Variants in NUP210L observed in about 807,000 individuals in gnomAD.
The protein encoded by NUP210L is nucleoporin 210 like.
A neutral mutation model predicts 208.5 loss-of-function variants in NUP210L; 74 were observed. That is an observed-to-expected ratio of 0.35 (90% CI 0.29 to 0.43). The LOEUF (loss-of-function observed/expected upper bound fraction) is 0.43. Among genes scored for constraint, NUP210L ranks in the 20% least tolerant of loss-of-function variants. The probability of loss-of-function intolerance (pLI) is 1.00; values close to 1 mark genes in which losing one functional copy is unlikely to be tolerated. For missense variants in NUP210L, 1,843 were observed against 2,289.4 expected, an observed-to-expected ratio of 0.81 and a Z score of 3.98; for synonymous variants, 780 against 816.9, an observed-to-expected ratio of 0.95 and a Z score of 0.77.
intron 23 of NUP210L, 31 bp downstream of exon 23, chr1:154,056,784 G>A (rs554193247): frequency 6.5e-7 from 1 of 1,542,992 alleles, no homozygotes; most frequent in African/African-American, 1.4e-5. Context: ...GCAAGAAAAA[G>A]TACAAATTTT....
At chr1:154,074,228 C>T (rs1229648579) in intron 16 of NUP210L, among the ~76,000 whole-genome samples, 2 of 152,124 alleles carry the variant, frequency 1.3e-5, no homozygotes, top group Non-Finnish European at 1.5e-5. Flanking sequence ...TCCCAACAGG[C>T]TTTCACTTAC....
chr1:154,139,989 T>C (rs373887558), intron 4 of NUP210L, 37 bp from the exon 5 acceptor site: 117 of 1,529,532 alleles, frequency 7.6e-5, no homozygotes, highest in Non-Finnish European at 1.0e-4. Context: ...CTAGCAGAAT[T>C]AAACGAAGGG....
intron 17 of NUP210L, among the ~76,000 whole-genome samples, chr1:154,066,902 A>T (rs1249569889): frequency 6.6e-6 from 1 of 152,216 alleles, no homozygotes; most frequent in Non-Finnish European, 1.5e-5. Context: ...GAAGAAGCTG[A>T]ATCACTGAAT....
At chr1:154,005,037 A>G (rs1487794297) in intron 35 of NUP210L, among the ~76,000 whole-genome samples, 31 of 148,702 alleles carry the variant, frequency 2.1e-4, no homozygotes, top group Non-Finnish European at 4.5e-5. Flanking sequence ...TATTTTTAGT[A>G]GAGACAGGGT....
chr1:153,993,226 T>C (rs1649581199), intron 38 of NUP210L, 137 bp from the exon 39 acceptor site: 1 of 589,318 alleles, frequency 1.7e-6, no homozygotes, highest in Admixed American at 3.5e-5. Flanking sequence ...CAGGAAGTTT[T>C]TATCCCAATT....
chr1:154,131,652 T>C (rs1658260161), intron 7 of NUP210L, among the ~76,000 whole-genome samples: 1 of 152,180 alleles, frequency 6.6e-6, no homozygotes, highest in Admixed American at 6.5e-5. Flanking sequence ...ACTGACAAAG[T>C]GACCTAAGAC....
chr1:154,060,990 T>C, exon 19 of NUP210L: 14 of 1,613,930 alleles, frequency 8.7e-6, no homozygotes, highest in Non-Finnish European at 1.2e-5. Flanking sequence ...GCACTACAGT[T>C]ACATCATCTA....
At chr1:154,123,285 A>G (rs897608191) in intron 10 of NUP210L, among the ~76,000 whole-genome samples, 8 of 152,018 alleles carry the variant, frequency 5.3e-5, no homozygotes, top group African/African-American at 1.9e-4. Context: ...ATCCGGGATT[A>G]TAGGCACGCG....
chr1:154,083,128 G>C (rs866411214), intron 16 of NUP210L, among the ~76,000 whole-genome samples: 1 of 152,154 alleles, frequency 6.6e-6, no homozygotes, highest in Non-Finnish European at 1.5e-5. Flanking sequence ...AACCGAGCAG[G>C]TTGCCACTGT....
chr1:154,029,917 G>T, exon 28 of NUP210L: 1 of 1,608,738 alleles, frequency 6.2e-7, no homozygotes, highest in African/African-American at 1.3e-5. Context: ...CTTCATCAGA[G>T]AGTTCCAACA....
At chr1:154,139,722 C>T (rs1247823156) in intron 5 of NUP210L, 80 bp downstream of exon 5, 3 of 1,025,412 alleles carry the variant, frequency 2.9e-6, no homozygotes, top group Non-Finnish European at 2.9e-6. Context: ...GTAGTGCATT[C>T]TTGTAGTACC....
rs773755177 is a variant in NUP210L at position 154,143,526 on chromosome 1, A to ATG, written c.390_391dup (p.Ile131ThrfsTer13). ...TTCCCGGGCCCGAGATACAATTTCA[A>ATG]TGCTGTTTATCACATCAACCTTAAC... is the stretch of plus-strand genomic sequence containing the variant. On this transcript the variant is annotated frameshift_variant, in exon 3 of 40. Transcript: ENST00000368559. LOFTEE classifies it high-confidence loss of function. 4.7e-5 allele frequency: 76 copies of ATG among 1,613,868 alleles called. No individual in the cohort carries two copies. The highest frequency in any genetic ancestry group is 6.3e-5 in the Non-Finnish European group (74 of 1,179,876).
At chr1:154,025,662 G>A (rs756459994) in exon 30 of NUP210L, 23 of 1,613,642 alleles carry the variant, frequency 1.4e-5, no homozygotes, top group Non-Finnish European at 1.7e-5. Flanking sequence ...CCTCAATGAC[G>A]GATGAATTAG....
rs1255651893 is a variant in NUP210L, at chr1:154,127,437, C to CA, written c.1079-21dup. The CA allele has an allele frequency of 8.4e-7, 1 of 1,185,170 alleles. No homozygotes were observed. The highest frequency in any genetic ancestry group is 1.5e-5 in the African/African-American group (1 of 64,604). The allele number at this position is 1,185,170 out of a possible 1,614,324, so 73.4% of individuals were successfully genotyped here. A position where few individuals can be genotyped will look rare whatever the true frequency, so the allele number is the denominator to read the frequency against. ...TGAAACCTATACACAAATCAAGAAA[C>CA]AAAAATATTAGAAGAGGCTAACATT... On this transcript the variant is annotated intron_variant, in intron 8 of 39. Transcript: ENST00000368559.
chr1:154,081,043 A>G (rs1341998434), intron 16 of NUP210L, among the ~76,000 whole-genome samples: 1 of 151,968 alleles, frequency 6.6e-6, no homozygotes, highest in East Asian at 1.9e-4. Context: ...AGAGGAACAG[A>G]AAAGACATAT....
intron 6 of NUP210L, 85 bp from the exon 7 acceptor site, chr1:154,136,057 C>A: frequency 2.2e-6 from 2 of 929,780 alleles, no homozygotes. Flanking sequence ...AAGGAATGAT[C>A]AGGAAGCAGA....
At chr1:154,126,438 G>C in exon 10 of NUP210L, 7 of 1,612,402 alleles carry the variant, frequency 4.3e-6, no homozygotes, top group Non-Finnish European at 5.9e-6. Flanking sequence ...GTACTCCTTA[G>C]GAAAGTCGTA....
rs1557944472 is a variant in NUP210L at position 154,055,183 on chromosome 1, C to CTTTCTTTCTT, written c.3241-352_3241-351insAAGAAAGAAA. On this transcript the variant is annotated intron_variant, in intron 23 of 39. Transcript: ENST00000368559. ...TCTTTCTTTCTTTCTTTCTTTCTTT[C>CTTTCTTTCTT]TTTCTTTTTCTTTCTTTCTTTCTCT... Among the ~76,000 whole-genome samples, 8 of 106,524 alleles carry CTTTCTTTCTT rather than the reference C, an allele frequency of 7.5e-5. No homozygotes were observed. In the East Asian group the frequency reaches 2.0e-3, roughly 26 times the overall value. The allele number at this position is 106,524 out of a possible 152,430, so 69.9% of individuals were successfully genotyped here. A position where few individuals can be genotyped will look rare whatever the true frequency, so the allele number is the denominator to read the frequency against.
chr1:154,139,409 C>T (rs1039881166), intron 5 of NUP210L, among the ~76,000 whole-genome samples: 7 of 152,056 alleles, frequency 4.6e-5, no homozygotes, highest in African/African-American at 1.7e-4. Flanking sequence ...TAATGCTTAC[C>T]TACTTCAAAT....
Sources: gnomAD v4.1 joint callset for allele counts (sites outside exome capture counted in the v4.1 genomes callset) on GRCh38, gnomAD v4.1.1 for gene constraint, MANE v1.5 for transcripts, NCBI Gene and HGNC (gene_info 2026-07-23, HGNC 2026-07-21) for gene names.